SLC16A10: variants seen among roughly 807,000 people sequenced by gnomAD.
SLC16A10 encodes the protein solute carrier family 16 member 10.
SLC16A10 carries 27 observed loss-of-function variants against 40.0 expected under a neutral mutation model. The observed-to-expected ratio is 0.67, with a 90% CI of 0.50 to 0.93. SLC16A10 has a LOEUF of 0.93. Among genes scored for constraint, SLC16A10 ranks in the 40% least tolerant of loss-of-function variants. SLC16A10 has a pLI of 0.00. For synonymous variants in SLC16A10, 213 were observed against 249.8 expected (o/e 0.85, Z 1.39); for missense variants, 529 against 658.2 (o/e 0.80, Z 2.15).
intron 1 of SLC16A10, among the ~76,000 whole-genome samples, chr6:111,155,525 C>T (rs1449643120): frequency 6.6e-6 from 1 of 152,070 alleles, no homozygotes; most frequent in Non-Finnish European, 1.5e-5. Flanking sequence ...TGTGGTTATT[C>T]GAAGAAGTGA....
intron 1 of SLC16A10, among the ~76,000 whole-genome samples, chr6:111,109,111 A>C (rs1012384586): frequency 6.6e-6 from 1 of 152,220 alleles, no homozygotes; most frequent in Non-Finnish European, 1.5e-5. Context: ...ACAAATTTTA[A>C]GTGTACAGTT....
intron 1 of SLC16A10, among the ~76,000 whole-genome samples, chr6:111,100,817 AT>A (rs1466565428): frequency 6.6e-6 from 1 of 151,736 alleles, no homozygotes; most frequent in Non-Finnish European, 1.5e-5. Flanking sequence ...TTTTACCTAA[AT>A]TTATAACTGA....
At chr6:111,135,627 TC>T (rs1408520024) in intron 1 of SLC16A10, among the ~76,000 whole-genome samples, 1 of 152,218 alleles carries the variant, frequency 6.6e-6, no homozygotes, top group African/African-American at 2.4e-5. Context: ...CCTTTGAAGA[TC>T]CTTCGAACCC....
chr6:111,093,171 T>C (rs1243024598), intron 1 of SLC16A10, among the ~76,000 whole-genome samples: 6 of 152,082 alleles, frequency 3.9e-5, no homozygotes, highest in African/African-American at 1.4e-4. Context: ...GATTGTGCCA[T>C]TTCACTCCAG....
At chr6:111,133,189 A>T (rs1771815668) in intron 1 of SLC16A10, among the ~76,000 whole-genome samples, 1 of 152,166 alleles carries the variant, frequency 6.6e-6, no homozygotes, top group Non-Finnish European at 1.5e-5. Context: ...TGTGGTCAAG[A>T]AAGGCAGGAA....
At chr6:111,142,630 A>G (rs1772003862) in intron 1 of SLC16A10, among the ~76,000 whole-genome samples, 2 of 152,250 alleles carry the variant, frequency 1.3e-5, no homozygotes, top group Non-Finnish European at 2.9e-5. Flanking sequence ...GATGCTCCAC[A>G]TCATAGGTCA....
intron 1 of SLC16A10, among the ~76,000 whole-genome samples, chr6:111,157,262 C>T (rs974354124): frequency 2.6e-5 from 4 of 151,774 alleles, no homozygotes; most frequent in African/African-American, 7.3e-5. Context: ...ACATTTTGAT[C>T]GTACTATTGA....
intron 3 of SLC16A10, among the ~76,000 whole-genome samples, chr6:111,203,957 A>G (rs1773215147): frequency 6.6e-6 from 1 of 152,176 alleles, no homozygotes; most frequent in Non-Finnish European, 1.5e-5. Context: ...TTCATAAAAA[A>G]AAAGATGCCT....
intron 1 of SLC16A10, among the ~76,000 whole-genome samples, chr6:111,095,290 A>T (rs1451822072): frequency 6.6e-6 from 1 of 152,132 alleles, no homozygotes; most frequent in African/African-American, 2.4e-5. Context: ...GGTCCTTGTG[A>T]GATTCTGATG....
intron 3 of SLC16A10, among the ~76,000 whole-genome samples, chr6:111,184,521 G>A (rs945357384): frequency 3.3e-5 from 5 of 150,266 alleles, no homozygotes; most frequent in African/African-American, 4.9e-5. Flanking sequence ...TCATTCTGTC[G>A]CCCAGGCTGG....
At chr6:111,212,048 C>A (rs1268218885) in intron 4 of SLC16A10, among the ~76,000 whole-genome samples, 1 of 152,194 alleles carries the variant, frequency 6.6e-6, no homozygotes, top group African/African-American at 2.4e-5. Context: ...AGCAGCCAGG[C>A]CTAGAACACT....
intron 1 of SLC16A10, among the ~76,000 whole-genome samples, chr6:111,156,139 C>T (rs898923176): frequency 6.6e-6 from 1 of 152,042 alleles, no homozygotes; most frequent in Non-Finnish European, 1.5e-5. Flanking sequence ...AAATAAATAT[C>T]TACGAGTCCA....
chr6:111,098,152 C>A (rs1321132715), intron 1 of SLC16A10, among the ~76,000 whole-genome samples: 1 of 152,012 alleles, frequency 6.6e-6, no homozygotes, highest in Non-Finnish European at 1.5e-5. Flanking sequence ...ACTAAAAATA[C>A]TAAATTAGCC....
chr6:111,172,143 G>GA (rs1180151992), intron 1 of SLC16A10, among the ~76,000 whole-genome samples: 6 of 152,252 alleles, frequency 3.9e-5, no homozygotes, highest in African/African-American at 1.4e-4. Flanking sequence ...TTCAAGATAA[G>GA]AAAACTCATT....
chr6:111,142,850 A>G (rs1772007747), intron 1 of SLC16A10, among the ~76,000 whole-genome samples: 1 of 152,234 alleles, frequency 6.6e-6, no homozygotes, highest in Non-Finnish European at 1.5e-5. Context: ...ATATGATCCA[A>G]CAATTGCAGT....
chr6:111,211,289 A>G (rs1361649703), intron 4 of SLC16A10, among the ~76,000 whole-genome samples: 1 of 152,170 alleles, frequency 6.6e-6, no homozygotes, highest in East Asian at 1.9e-4. Flanking sequence ...CCTACCCTAG[A>G]TAGGGCAGAC....
rs554791370 is a variant in SLC16A10, at chr6:111,168,410, G to A, written c.344-4285G>A. Among the ~76,000 whole-genome samples, 6 of 152,304 alleles carry A rather than the reference G, an allele frequency of 3.9e-5. No homozygotes were observed. The South Asian group carries it at 1.2e-3, about 32-fold the overall frequency. ...AGAATTTTGGGGATTAAATGAAATA[G>A]TCTTCTGAGCACAACAAATATATTA... On this transcript the variant is annotated intron_variant, in intron 1 of 5. Transcript: ENST00000368851.
chr6:111,126,298 G>T (rs534685940), intron 1 of SLC16A10, among the ~76,000 whole-genome samples: 1 of 152,200 alleles, frequency 6.6e-6, no homozygotes, highest in East Asian at 1.9e-4. Flanking sequence ...AGCCATTGGG[G>T]TTGGTGTTTG....
At chr6:111,103,304 A>G (rs553158346) in intron 1 of SLC16A10, among the ~76,000 whole-genome samples, 1 of 151,516 alleles carries the variant, frequency 6.6e-6, no homozygotes. Context: ...GGCCACTTCC[A>G]CCTCCTGGGT....
Sources: allele counts gnomAD v4.1 joint callset (sites outside exome capture counted in the v4.1 genomes callset), GRCh38; gene constraint gnomAD v4.1.1; transcripts MANE v1.5; gene names NCBI Gene and HGNC (gene_info 2026-07-23, HGNC 2026-07-21).